Variants in SACM1L observed in about 807,000 individuals in gnomAD.
SACM1L encodes SAC1 like phosphatidylinositide phosphatase.
A neutral mutation model predicts 89.5 loss-of-function variants in SACM1L; 32 were observed. The observed-to-expected ratio is 0.36, with a 90% CI of 0.27 to 0.48. The LOEUF (loss-of-function observed/expected upper bound fraction) is 0.48. SACM1L is among the 20% of genes least tolerant of loss of function. The pLI is 0.99. For synonymous variants in SACM1L, 213 were observed against 232.8 expected, an observed-to-expected ratio of 0.92 and a Z score of 0.77; for missense variants, 543 against 708.5, an observed-to-expected ratio of 0.77 and a Z score of 2.65.
In SACM1L at chr3:45,732,107, A is replaced by G; in HGVS notation, c.1056A>G (p.Leu352=). 1.2e-6 allele frequency: 2 copies of G among 1,606,252 alleles called. No homozygotes were observed. The highest frequency in any genetic ancestry group is 1.7e-6 in the Non-Finnish European group (2 of 1,177,314). ...GTAAAAATATGAGATGGGATCGACT[A>G]AGTATTTTATTGGATCAGGTAGCAG... ...KECKNMRWDR[L]SILLDQVAEM... is the part of the protein sequence containing the mutation. The change falls in exon 13 of 20, where the codon CTA becomes CTG. Residue 352 remains leucine, a synonymous_variant. Transcript: ENST00000389061.
intron 19 of SACM1L, among the ~76,000 whole-genome samples, chr3:45,742,309 A>T (rs1699333270): frequency 6.6e-6 from 1 of 152,226 alleles, no homozygotes; most frequent in Non-Finnish European, 1.5e-5. Flanking sequence ...ATGTCAGTTT[A>T]TTCTTATGAT....
At chr3:45,702,656 A>G (rs1698301562) in intron 1 of SACM1L, among the ~76,000 whole-genome samples, 1 of 152,192 alleles carries the variant, frequency 6.6e-6, no homozygotes, top group Admixed American at 6.5e-5. Context: ...TATTTTGTAT[A>G]TCCTGAGTCA....
intron 1 of SACM1L, among the ~76,000 whole-genome samples, chr3:45,698,641 C>T (rs1469271122): frequency 6.6e-6 from 1 of 152,162 alleles, no homozygotes; most frequent in Non-Finnish European, 1.5e-5. Flanking sequence ...ACCTCCGCCT[C>T]CCAGGTTCAA....
At chr3:45,713,396 C>A (rs1698570677) in intron 6 of SACM1L, 200 bp downstream of exon 6, 2 of 405,568 alleles carry the variant, frequency 4.9e-6, no homozygotes, top group Non-Finnish European at 8.7e-6. Flanking sequence ...CTCTGATCTT[C>A]TATAGAAGCC....
chr3:45,691,674 G>C (rs1190978776), intron 1 of SACM1L, among the ~76,000 whole-genome samples: 2 of 151,868 alleles, frequency 1.3e-5, no homozygotes, highest in African/African-American at 4.8e-5. Flanking sequence ...GAGTACAGTG[G>C]TTTGATCATA....
At chr3:45,733,962 T>A (rs1699136489) in intron 13 of SACM1L, among the ~76,000 whole-genome samples, 1 of 152,226 alleles carries the variant, frequency 6.6e-6, no homozygotes, top group South Asian at 2.1e-4. Context: ...ATCAAGGAGC[T>A]TGTTAAAGAA....
At chr3:45,709,017 CGTTTCTTGA>C (rs1698461231) in intron 4 of SACM1L, among the ~76,000 whole-genome samples, 2 of 152,146 alleles carry the variant, frequency 1.3e-5, no homozygotes, top group Admixed American at 1.3e-4. Context: ...AACCAGGGAA[CGTTTCTTGA>C]GAATGTGGAT....
In SACM1L at chr3:45,720,517, C is replaced by G. The variant is rs143359229; in HGVS notation, c.679+916C>G. On this transcript the variant is annotated intron_variant, in intron 8 of 19. Coordinates refer to ENST00000389061, the MANE Select transcript of SACM1L (RefSeq NM_014016.5). The stretch of plus-strand genomic sequence containing the variant: ...TTTTATGCTAATACAGATATGTGCC[C>G]TTCTCTTCCTCCTTTTTTAGACAGT... Among the ~76,000 whole-genome samples the G allele has an allele frequency of 8.5e-3, 1,296 of 152,188 alleles. 7 individuals are homozygous for G. Among genetic ancestry groups the G allele is most frequent in the Middle Eastern group, 0.027 (8 of 294 alleles).
At chr3:45,706,430 G>A (rs893848980) in intron 3 of SACM1L, among the ~76,000 whole-genome samples, 1 of 152,202 alleles carries the variant, frequency 6.6e-6, no homozygotes, top group Admixed American at 6.5e-5. Context: ...TAAGCTGCCT[G>A]CTGGGAAATG....
rs967075841 is a variant in SACM1L at position 45,720,131 on chromosome 3, A to G, written c.679+530A>G. Among the ~76,000 whole-genome samples the G allele has an allele frequency of 2.6e-5, 4 of 152,196 alleles. No homozygotes were observed. In the East Asian group the frequency reaches 5.8e-4, roughly 22 times the overall value. On this transcript the variant is annotated intron_variant, in intron 8 of 19. Coordinates refer to ENST00000389061, the MANE Select transcript of SACM1L (RefSeq NM_014016.5). ...CCTTTGTATTTTTTTTAACCAGAATATATCAGCATATTTTATGGCTGTGAG... is the reference window on the plus strand; with the variant it reads ...CCTTTGTATTTTTTTTAACCAGAATGTATCAGCATATTTTATGGCTGTGAG...
chr3:45,714,578 A>G (rs888254813), intron 7 of SACM1L, among the ~76,000 whole-genome samples: 1 of 152,186 alleles, frequency 6.6e-6, no homozygotes, highest in African/African-American at 2.4e-5. Flanking sequence ...CCTGGGTGAC[A>G]GGGTCAAAAA....
At chr3:45,703,639 AGTG>A (rs1698324727) in intron 2 of SACM1L, 104 bp downstream of exon 2, 1 of 644,208 alleles carries the variant, frequency 1.6e-6, no homozygotes, top group Non-Finnish European at 2.6e-6. Flanking sequence ...TGGATCTCTG[AGTG>A]CATTCTTATT....
chr3:45,716,470 A>G (rs938292468), intron 7 of SACM1L, among the ~76,000 whole-genome samples: 3 of 152,098 alleles, frequency 2.0e-5, no homozygotes, highest in African/African-American at 2.4e-5. Flanking sequence ...CCTCTACTCA[A>G]AAGATTTTGG....
chr3:45,700,368 A>C (rs1021788481), intron 1 of SACM1L, among the ~76,000 whole-genome samples: 2 of 152,204 alleles, frequency 1.3e-5, no homozygotes, highest in Non-Finnish European at 2.9e-5. Flanking sequence ...GGTTGTAATA[A>C]AGCCCATGGA....
intron 11 of SACM1L, among the ~76,000 whole-genome samples, chr3:45,724,298 GGTGTGTGTGTGTGT>G (rs61075879): frequency 7.2e-6 from 1 of 139,716 alleles, no homozygotes; most frequent in Non-Finnish European, 1.5e-5. Context: ...GTTGTTTTCT[GGTGTGTGTGTGTGT>G]GTGTGTGTGT....
intron 11 of SACM1L, among the ~76,000 whole-genome samples, chr3:45,730,050 T>G (rs1222945228): frequency 2.6e-5 from 4 of 152,142 alleles, no homozygotes; most frequent in African/African-American, 9.6e-5. Flanking sequence ...TGTCTGTGTT[T>G]CCCCTTAGCT....
At chr3:45,713,231 A>G in intron 6 of SACM1L, 35 bp downstream of exon 6, 1 of 1,536,514 alleles carries the variant, frequency 6.5e-7, no homozygotes, top group South Asian at 1.1e-5. Context: ...CTTAATTGTT[A>G]CAGTCCAAGC....
At chr3:45,738,998 T>G in intron 18 of SACM1L, 125 bp downstream of exon 18, 1 of 634,734 alleles carries the variant, frequency 1.6e-6, no homozygotes, top group African/African-American at 1.8e-5. Flanking sequence ...TATAAATACT[T>G]AAGTTTTCCA....
intron 1 of SACM1L, among the ~76,000 whole-genome samples, chr3:45,694,860 G>A (rs1341952630): frequency 6.6e-6 from 1 of 152,164 alleles, no homozygotes. Flanking sequence ...CAGATTAGGT[G>A]GAATTTGGAC....
Sources: gnomAD v4.1 joint callset for allele counts (sites outside exome capture counted in the v4.1 genomes callset) on GRCh38, gnomAD v4.1.1 for gene constraint, MANE v1.5 for transcripts, NCBI Gene and HGNC (gene_info 2026-07-23, HGNC 2026-07-21) for gene names.